Variants in NPNT observed in about 807,000 individuals in gnomAD.
NPNT encodes the protein nephronectin, also known as preosteoblast EGF-like repeat protein with MAM domain.
Under a neutral mutation model 68.6 loss-of-function variants are expected in NPNT, and 45 were observed. The observed-to-expected ratio is 0.66, with a 90% CI of 0.52 to 0.84. The LOEUF (loss-of-function observed/expected upper bound fraction) is 0.84, where lower values mean the gene tolerates loss of function less well. Ranked by LOEUF, NPNT falls within the 40% of genes least tolerant of loss-of-function variation. NPNT has a pLI of 0.00. For synonymous variants in NPNT, 233 were observed against 253.3 expected (o/e 0.92, Z 0.76); for missense variants, 672 against 714.8 (o/e 0.94, Z 0.68).
At chr4:105,896,781 C>T (rs566635233) in intron 1 of NPNT, among the ~76,000 whole-genome samples, 1 of 152,236 alleles carries the variant, frequency 6.6e-6, no homozygotes, top group South Asian at 2.1e-4. Context: ...AGCACAGCTG[C>T]TTGTTCACTA....
chr4:105,945,343 C>A (rs976969047), intron 8 of NPNT, among the ~76,000 whole-genome samples: 11 of 152,114 alleles, frequency 7.2e-5, no homozygotes, highest in African/African-American at 2.7e-4. Context: ...ATCTTCAGCC[C>A]AGACCTCTCC....
At chr4:105,960,364 G>A (rs1731625902) in intron 10 of NPNT, among the ~76,000 whole-genome samples, 1 of 152,202 alleles carries the variant, frequency 6.6e-6, no homozygotes, top group Non-Finnish European at 1.5e-5. Flanking sequence ...CACTGTGATT[G>A]CAGAGCAGCT....
chr4:105,940,400 A>G (rs4627867), intron 6 of NPNT, 114 bp from the exon 7 acceptor site: 2 of 1,121,592 alleles, frequency 1.8e-6, no homozygotes, highest in Middle Eastern at 2.0e-4. Flanking sequence ...ATCTGCCAAT[A>G]TTATGTAGAT....
chr4:105,959,098 G>T lies in NPNT; in HGVS notation c.1317G>T (p.Leu439Phe). 2 of 1,613,244 alleles carry T rather than the reference G, an allele frequency of 1.2e-6. No homozygotes were observed. The highest frequency in any genetic ancestry group is 1.7e-6 in the Non-Finnish European group (2 of 1,179,270). ...GGATCAGGGAGAAAGACAATGACTTGCACTGGGAACCAATCAGGGACCCAG... is the reference window on the plus strand; with the variant it reads ...GGATCAGGGAGAAAGACAATGACTTTCACTGGGAACCAATCAGGGACCCAG... The part of the protein sequence containing the change: ...CGWIREKDND[L>F]HWEPIRDPAG... The change falls in exon 10 of 12, where the codon TTG (leucine) becomes TTT (phenylalanine). Residue 439 changes from leucine to phenylalanine, a missense_variant. Coordinates refer to ENST00000379987, the MANE Select transcript of NPNT (RefSeq NM_001033047.3).
intron 4 of NPNT, among the ~76,000 whole-genome samples, 178 bp from the exon 5 acceptor site, chr4:105,938,123 C>T (rs1729636724): frequency 6.6e-6 from 1 of 152,136 alleles, no homozygotes; most frequent in Non-Finnish European, 1.5e-5. Flanking sequence ...TTATATTTGT[C>T]TTTTAATGCT....
chr4:105,903,130 G>A (rs980376128), intron 2 of NPNT, among the ~76,000 whole-genome samples: 2 of 152,118 alleles, frequency 1.3e-5, no homozygotes. Flanking sequence ...GGCACTTCTG[G>A]TGCCAGAAAC....
intron 2 of NPNT, among the ~76,000 whole-genome samples, chr4:105,923,696 C>T (rs182307034): frequency 4.6e-5 from 7 of 152,204 alleles, no homozygotes; most frequent in Admixed American, 4.6e-4. Context: ...CAGAACAAGC[C>T]GTGCTCTTCA....
chr4:105,939,664 G>A (rs1456240639), intron 5 of NPNT, among the ~76,000 whole-genome samples: 1 of 152,178 alleles, frequency 6.6e-6, no homozygotes, highest in Non-Finnish European at 1.5e-5. Flanking sequence ...TAACCCAAGA[G>A]ATGGTGGCTT....
chr4:105,942,776 A>G, intron 8 of NPNT, 74 bp downstream of exon 8: 1 of 1,382,568 alleles, frequency 7.2e-7, no homozygotes, highest in South Asian at 1.4e-5. Context: ...CCATGCCTTG[A>G]ATAAGAATGA....
rs969491003 is a variant in NPNT at position 105,927,404 on chromosome 4, T to A, written c.241T>A (p.Tyr81Asn). 1 of 1,611,988 alleles carries A rather than the reference T, an allele frequency of 6.2e-7. No individual in the cohort carries two copies. The highest frequency in any genetic ancestry group is 2.2e-5 in the East Asian group (1 of 44,822). The change falls in exon 3 of 12, where the codon TAT (tyrosine) becomes AAT (asparagine). Residue 81 changes from tyrosine to asparagine, a missense_variant. By Grantham distance (143) the Tyr-to-Asn change is moderately radical. Transcript: ENST00000379987. ...GPNKCKCHPGYAGKTCNQDLN... is the reference protein window; with the variant it reads ...GPNKCKCHPGNAGKTCNQDLN... ...AAACAAGTGCAAGTGTCATCCTGGT[T>A]ATGCTGGAAAAACCTGTAATCAAGG...
At chr4:105,937,182 G>T (rs931771138) in intron 4 of NPNT, 54 bp downstream of exon 4, 97 of 1,583,984 alleles carry the variant, frequency 6.1e-5, no homozygotes, top group Non-Finnish European at 7.9e-5. Context: ...TTTCTGTTGT[G>T]CTCTGAGAGC....
chr4:105,916,848 G>A (rs1165750399), intron 2 of NPNT, among the ~76,000 whole-genome samples: 1 of 152,050 alleles, frequency 6.6e-6, no homozygotes, highest in African/African-American at 2.4e-5. Flanking sequence ...ACTTTTGAAG[G>A]TGTAAGAGCT....
intron 8 of NPNT, among the ~76,000 whole-genome samples, chr4:105,954,075 T>G (rs1407761163): frequency 2.6e-5 from 4 of 152,224 alleles, no homozygotes; most frequent in Non-Finnish European, 5.9e-5. Context: ...ACAGGTTATA[T>G]ATGATCACAT....
intron 2 of NPNT, chr4:105,911,986 T>C: frequency 1.8e-6 from 1 of 541,074 alleles, no homozygotes. Flanking sequence ...ATATTTTTGT[T>C]ATGAAATGTT....
chr4:105,931,306 G>A (rs887036994), intron 3 of NPNT, among the ~76,000 whole-genome samples: 2 of 152,076 alleles, frequency 1.3e-5, no homozygotes, highest in Admixed American at 1.3e-4. Flanking sequence ...AATAATTTCA[G>A]AAGAAAATAT....
intron 2 of NPNT, among the ~76,000 whole-genome samples, chr4:105,908,119 ATAG>A (rs1437852954): frequency 6.6e-6 from 1 of 152,140 alleles, no homozygotes; most frequent in Non-Finnish European, 1.5e-5. Context: ...GCTTTAGAAT[ATAG>A]TTGTTGCTTT....
chr4:105,947,433 C>T (rs979567254), intron 8 of NPNT, among the ~76,000 whole-genome samples: 6 of 152,188 alleles, frequency 3.9e-5, no homozygotes, highest in African/African-American at 1.4e-4. Context: ...GAAATCTTCA[C>T]AATTTATGTT....
At chr4:105,896,730 C>T (rs1023444560) in intron 1 of NPNT, among the ~76,000 whole-genome samples, 3 of 152,112 alleles carry the variant, frequency 2.0e-5, no homozygotes, top group African/African-American at 7.2e-5. Context: ...TTTCTTGTAC[C>T]CGGAGGCGAA....
At chr4:105,905,028 G>A (rs1019083828) in intron 2 of NPNT, among the ~76,000 whole-genome samples, 3 of 151,326 alleles carry the variant, frequency 2.0e-5, no homozygotes, top group East Asian at 1.9e-4. Context: ...GAGACACCGC[G>A]CCCGGCCATT....
Sources: allele counts gnomAD v4.1 joint callset (sites outside exome capture counted in the v4.1 genomes callset), GRCh38; gene constraint gnomAD v4.1.1; transcripts MANE v1.5; gene names NCBI Gene and HGNC (gene_info 2026-07-23, HGNC 2026-07-21).